The following SYNPR variants were observed in gnomAD, a reference collection of about 807,000 sequenced individuals.
SYNPR encodes the protein synaptoporin.
In SYNPR, 23 loss-of-function variants were observed where a neutral mutation model predicts 32.9. The observed-to-expected ratio is 0.70, with a 90% CI of 0.50 to 0.99. The LOEUF (loss-of-function observed/expected upper bound fraction) is 0.99. Among genes scored for constraint, SYNPR ranks in the 50% least tolerant of loss-of-function variants. The probability of loss-of-function intolerance (pLI) is 0.00; values close to 1 mark genes in which losing one functional copy is unlikely to be tolerated. For synonymous variants in SYNPR, 146 were observed against 135.9 expected (o/e 1.07, Z -0.52); for missense variants, 318 against 349.3 (o/e 0.91, Z 0.71).
chr3:63,435,348 C>G (rs1559498588), intron 2 of SYNPR, among the ~76,000 whole-genome samples: 1 of 152,176 alleles, frequency 6.6e-6, no homozygotes, highest in Non-Finnish European at 1.5e-5. Flanking sequence ...ATGAACAGCG[C>G]TTAGGCTGAT....
intron 2 of SYNPR, among the ~76,000 whole-genome samples, chr3:63,465,175 C>A (rs1322766709): frequency 3.9e-5 from 6 of 152,094 alleles, no homozygotes; most frequent in Non-Finnish European, 8.8e-5. Flanking sequence ...ATATAAAGCC[C>A]TTTAGGCTAT....
chr3:63,416,864 C>T (rs1460799769), intron 2 of SYNPR, among the ~76,000 whole-genome samples: 2 of 152,072 alleles, frequency 1.3e-5, no homozygotes, highest in South Asian at 4.1e-4. Flanking sequence ...GATTCAATTA[C>T]CTCCCACCAG....
At chr3:63,264,455 G>C (rs377284769) in intron 2 of SYNPR, among the ~76,000 whole-genome samples, 2 of 152,104 alleles carry the variant, frequency 1.3e-5, no homozygotes, top group African/African-American at 2.4e-5. Flanking sequence ...GAAACTCCTC[G>C]AGCTTTTAAG....
intron 2 of SYNPR, among the ~76,000 whole-genome samples, chr3:63,355,631 A>G (rs1415672197): frequency 6.6e-5 from 10 of 152,146 alleles, no homozygotes; most frequent in Admixed American, 6.5e-4. Context: ...CTTCTGATGC[A>G]CCGGTCCCTG....
intron 2 of SYNPR, among the ~76,000 whole-genome samples, chr3:63,442,572 A>G (rs957023868): frequency 2.6e-5 from 4 of 152,212 alleles, no homozygotes; most frequent in Admixed American, 1.3e-4. Flanking sequence ...CCTTCGAAGT[A>G]GTCGAGCTGA....
intron 2 of SYNPR, among the ~76,000 whole-genome samples, chr3:63,286,216 C>G (rs185764174): frequency 6.6e-6 from 1 of 152,282 alleles, no homozygotes; most frequent in African/African-American, 2.4e-5. Context: ...AAGAAAATTC[C>G]AGCAAGGCCA....
At chr3:63,390,267 A>G (rs1467163270) in intron 2 of SYNPR, among the ~76,000 whole-genome samples, 1 of 152,040 alleles carries the variant, frequency 6.6e-6, no homozygotes, top group Non-Finnish European at 1.5e-5. Flanking sequence ...ACATTTAGCA[A>G]GCCCAAATAG....
intron 3 of SYNPR, among the ~76,000 whole-genome samples, chr3:63,485,749 A>C (rs1701136238): frequency 6.6e-6 from 1 of 152,176 alleles, no homozygotes. Flanking sequence ...CATGATGATA[A>C]ATTTACGACC....
rs1575688822 is a variant in SYNPR at position 63,519,885 on chromosome 3, T to A, written c.210-36658T>A. Reference sequence around the variant, plus strand: ...ACTCTGATAACCAAAAAAGAAAGTATAAATTATCATAATTCACATCACCCT... The same window carrying A: ...ACTCTGATAACCAAAAAAGAAAGTAAAAATTATCATAATTCACATCACCCT... On this transcript the variant is annotated intron_variant, in intron 3 of 5. Coordinates refer to ENST00000478300, the MANE Select transcript of SYNPR (RefSeq NM_001130003.2). Among the ~76,000 whole-genome samples, 3 of 152,186 alleles carry A rather than the reference T, an allele frequency of 2.0e-5. No homozygotes were observed. The East Asian group carries it at 5.8e-4, about 29-fold the overall frequency.
chr3:63,491,194 G>A (rs1264456536), intron 3 of SYNPR, among the ~76,000 whole-genome samples: 1 of 152,150 alleles, frequency 6.6e-6, no homozygotes, highest in Non-Finnish European at 1.5e-5. Context: ...AATTTATGAA[G>A]TAGATAATAA....
chr3:63,497,769 G>A (rs1575676392), intron 3 of SYNPR, among the ~76,000 whole-genome samples: 2 of 152,136 alleles, frequency 1.3e-5, no homozygotes, highest in Non-Finnish European at 1.5e-5. Context: ...AACAAACAGT[G>A]GCACAGAAGA....
chr3:63,390,713 G>T (rs1011610758), intron 2 of SYNPR, among the ~76,000 whole-genome samples: 2 of 152,078 alleles, frequency 1.3e-5, no homozygotes, highest in African/African-American at 4.8e-5. Context: ...TTTTTTAACT[G>T]TCTTAAAAAT....
intron 2 of SYNPR, among the ~76,000 whole-genome samples, chr3:63,452,459 G>A (rs1307540957): frequency 6.6e-6 from 1 of 152,128 alleles, no homozygotes; most frequent in Non-Finnish European, 1.5e-5. Flanking sequence ...AAGAGGAGAG[G>A]ATTAGTGCCC....
intron 2 of SYNPR, among the ~76,000 whole-genome samples, chr3:63,320,170 A>G (rs2087096068): frequency 6.6e-6 from 1 of 151,954 alleles, no homozygotes; most frequent in South Asian, 2.1e-4. Flanking sequence ...AGGATGGTCT[A>G]GAACTCCTGG....
intron 2 of SYNPR, among the ~76,000 whole-genome samples, chr3:63,366,659 C>G (rs917004874): frequency 1.3e-5 from 2 of 152,044 alleles, no homozygotes; most frequent in African/African-American, 4.8e-5. Flanking sequence ...CTTGTGAGAC[C>G]CTTATTTTTA....
intron 2 of SYNPR, among the ~76,000 whole-genome samples, chr3:63,378,155 A>G (rs1192202889): frequency 6.6e-6 from 1 of 151,994 alleles, no homozygotes; most frequent in South Asian, 2.1e-4. Context: ...TAATTGATCT[A>G]GTATAATATT....
At chr3:63,271,000 TTTCC>T (rs1174218865) in intron 3 of SYNPR, among the ~76,000 whole-genome samples, 49 of 77,826 alleles carry the variant, frequency 6.3e-4, no homozygotes, top group African/African-American at 1.5e-3. Flanking sequence ...CTTCCTTTTC[TTTCC>T]TTCCTTCCTT....
At chr3:63,379,662 G>T (rs1483349411) in intron 2 of SYNPR, among the ~76,000 whole-genome samples, 1 of 151,532 alleles carries the variant, frequency 6.6e-6, no homozygotes, top group Non-Finnish European at 1.5e-5. Context: ...ATTACTGTTT[G>T]TATATCTTTT....
In SYNPR at chr3:63,268,708, T is replaced by C. The variant is rs534185399; in HGVS notation, n.287+1259T>C. Among the ~76,000 whole-genome samples, 28 of 151,738 alleles carry C rather than the reference T, an allele frequency of 1.8e-4. No individual in the cohort carries two copies. The East Asian group carries it at 5.2e-3, about 28-fold the overall frequency. On this transcript the variant is annotated intron_variant and non_coding_transcript_variant, in intron 3 of 4. Transcript: ENST00000478456. ...GGGGTTGATCTTGCTGTCTCAGGGG[T>C]GGTGGAGGTGGAAGAAAATCCACAT...
Sources: gnomAD v4.1 joint callset for allele counts (sites outside exome capture counted in the v4.1 genomes callset) on GRCh38, gnomAD v4.1.1 for gene constraint, MANE v1.5 for transcripts, NCBI Gene and HGNC (gene_info 2026-07-23, HGNC 2026-07-21) for gene names.